The following C6orf132 variants were observed in gnomAD, a reference collection of about 807,000 sequenced individuals.
The protein encoded by C6orf132 is chromosome 6 open reading frame 132, also known as uncharacterized protein C6orf132.
C6orf132 carries 43 observed loss-of-function variants against 65.3 expected under a neutral mutation model. That is an observed-to-expected ratio of 0.66 (90% CI 0.52 to 0.85). The LOEUF (loss-of-function observed/expected upper bound fraction) is 0.85. Ranked by LOEUF, C6orf132 falls within the 40% of genes least tolerant of loss-of-function variation. C6orf132 has a pLI of 0.00. For missense variants in C6orf132, 1,488 were observed against 1,548.8 expected, an observed-to-expected ratio of 0.96 and a Z score of 0.66; for synonymous variants, 631 against 654.1, an observed-to-expected ratio of 0.96 and a Z score of 0.54.
chr6:42,104,604 C>T lies in C6orf132; in HGVS notation c.3308G>A (p.Arg1103His). The change falls in exon 4 of 5, where the codon CGC becomes CAC. Residue 1103 changes from arginine to histidine, a missense_variant. Physicochemically the swap from Arg to His is conservative, Grantham distance 29 (BLOSUM62 0). Transcript: ENST00000341865. This position sits in a 1 kb window ranked among gnomAD's most constrained non-coding sequence, Gnocchi z 4.1. ...GGGCGCGCGACCCGCCGAGTTCACG[C>T]GCCGCATCTCGGGGCCTCCGGGCTG... ...GPQPGGPEMR[R>H]VNSAGRAPPG... 1.5e-6 allele frequency: 2 copies of T among 1,346,458 alleles called. No individual in the cohort carries two copies. Among genetic ancestry groups the T allele is most frequent in the Non-Finnish European group, 1.9e-6 (2 of 1,054,672 alleles). The allele number at this position is 1,346,458 out of a possible 1,614,324, so 83.4% of individuals were successfully genotyped here.
At chr6:42,132,868 AG>A (rs10709493) in intron 1 of C6orf132, among the ~76,000 whole-genome samples, 5,825 of 135,614 alleles carry the variant, frequency 0.043, 445 homozygotes, top group African/African-American at 0.16. Flanking sequence ...AAAAAAAAAA[AG>A]AAAAGAAAAG....
rs1360342086 is a variant in C6orf132 at position 42,104,875 on chromosome 6, G to A, written c.3037C>T (p.Pro1013Ser). The A allele has an allele frequency of 4.1e-6, 6 of 1,449,632 alleles. No homozygotes were observed. Among genetic ancestry groups the A allele is most frequent in the Admixed American group, 2.7e-5 (1 of 36,742 alleles). The allele number at this position is 1,449,632 out of a possible 1,614,324, so 89.8% of individuals were successfully genotyped here. A position where few individuals can be genotyped will look rare whatever the true frequency, so the allele number is the denominator to read the frequency against. ...CTCAAGTCTGAGTAGTTGTTCCGGGGAGGGGAGCTCTGGCGGCCCAGATAC... is the reference window on the plus strand; with the variant it reads ...CTCAAGTCTGAGTAGTTGTTCCGGGAAGGGGAGCTCTGGCGGCCCAGATAC... ...LQYLGRQSSP[P>S]RNNYSDLRQL... Residue 1013 changes from proline (P) to serine (S), a missense_variant, in exon 4 of 5, where the codon CCC (proline) becomes TCC (serine). Transcript: ENST00000341865. This position sits in a 1 kb window ranked among gnomAD's most constrained non-coding sequence, Gnocchi z 4.1.
chr6:42,119,077 A>C (rs1436580835), intron 2 of C6orf132, among the ~76,000 whole-genome samples: 2 of 146,922 alleles, frequency 1.4e-5, no homozygotes, highest in Non-Finnish European at 3.0e-5. Flanking sequence ...AAAAAAAAAA[A>C]AAAAAAAGAA....
intron 3 of C6orf132, 54 bp downstream of exon 3, chr6:42,110,162 A>G: frequency 5.7e-6 from 8 of 1,400,000 alleles, no homozygotes; most frequent in Non-Finnish European, 9.8e-7. Context: ...TTTTGAACTC[A>G]GGGCCCTAGG....
rs981977647 is a variant in C6orf132, at chr6:42,106,184, TGAG to T, written c.1725_1727del (p.Ser576del). On this transcript the variant is annotated inframe_deletion, in exon 4 of 5. Coordinates refer to ENST00000341865, the MANE Select transcript of C6orf132 (RefSeq NM_001164446.3). ...TGGGCTTAGCCTCCTTCTCTGCTGC[TGAG>T]GAGAGCCGGGCCTCCAGCTCATTCC... is the stretch of plus-strand genomic sequence containing the variant. 1 of 1,537,242 alleles carries T rather than the reference TGAG, an allele frequency of 6.5e-7. No homozygotes were observed. Among genetic ancestry groups the T allele is most frequent in the Non-Finnish European group, 8.7e-7 (1 of 1,146,898 alleles).
At chr6:42,115,410 G>C (rs915329406) in intron 2 of C6orf132, among the ~76,000 whole-genome samples, 4 of 152,048 alleles carry the variant, frequency 2.6e-5, no homozygotes, top group African/African-American at 9.7e-5. Flanking sequence ...ACTTTGGGAG[G>C]CTGAGGCGGG....
At chr6:42,132,790 G>A (rs546329026) in intron 1 of C6orf132, among the ~76,000 whole-genome samples, 3 of 150,870 alleles carry the variant, frequency 2.0e-5, no homozygotes, top group African/African-American at 7.3e-5. Flanking sequence ...CCGGGAAGCA[G>A]AGGTTGTAGT....
At chr6:42,122,976 C>G (rs971534089) in intron 2 of C6orf132, among the ~76,000 whole-genome samples, 2 of 152,206 alleles carry the variant, frequency 1.3e-5, no homozygotes, top group Non-Finnish European at 2.9e-5. Context: ...ATTTTTAATT[C>G]CTCATATGCA....
At chr6:42,134,185 G>T (rs1487083254) in intron 1 of C6orf132, among the ~76,000 whole-genome samples, 4 of 152,160 alleles carry the variant, frequency 2.6e-5, no homozygotes, top group Admixed American at 2.6e-4. Context: ...TGGGTTTAGA[G>T]CCCAGCTGAA....
chr6:42,125,336 G>A (rs1217513538), intron 2 of C6orf132, among the ~76,000 whole-genome samples: 1 of 152,194 alleles, frequency 6.6e-6, no homozygotes, highest in Non-Finnish European at 1.5e-5. Flanking sequence ...TTCCCTGCCT[G>A]TAACATGGGG....
chr6:42,122,193 C>T (rs1252514513), intron 2 of C6orf132, among the ~76,000 whole-genome samples: 1 of 152,224 alleles, frequency 6.6e-6, no homozygotes, highest in East Asian at 1.9e-4. Context: ...ATCTGAGAAC[C>T]ACCCTTAGAC....
At chr6:42,108,476 A>G (rs1056478811) in intron 3 of C6orf132, among the ~76,000 whole-genome samples, 1 of 152,140 alleles carries the variant, frequency 6.6e-6, no homozygotes, top group African/African-American at 2.4e-5. Flanking sequence ...ATAGGAAGTC[A>G]TGGGGCAGGG....
rs1562032750 is a variant in C6orf132 at position 42,105,837 on chromosome 6, G to T, written c.2075C>A (p.Ala692Glu). The T allele has an allele frequency of 6.5e-7, 1 of 1,537,300 alleles. No homozygotes were observed. Among genetic ancestry groups the T allele is most frequent in the South Asian group, 1.2e-5 (1 of 84,064 alleles). ...GGTGGGCAGAGTTGTGGCTGTAGATGCTATGGCAGGGCCAGATGTGGCCTT... is the reference window on the plus strand; with the variant it reads ...GGTGGGCAGAGTTGTGGCTGTAGATTCTATGGCAGGGCCAGATGTGGCCTT... ...PLKATSGPAI[A>E]STATTLPTTT... Residue 692 changes from alanine (A) to glutamate (E), a missense_variant, in exon 4 of 5, where the codon GCA becomes GAA. Transcript: ENST00000341865.
At chr6:42,122,509 A>T (rs1358283447) in intron 2 of C6orf132, among the ~76,000 whole-genome samples, 1 of 152,116 alleles carries the variant, frequency 6.6e-6, no homozygotes, top group Non-Finnish European at 1.5e-5. Context: ...GTCCTTACTG[A>T]GAGGGAAGGA....
intron 2 of C6orf132, among the ~76,000 whole-genome samples, chr6:42,125,742 C>T (rs940497750): frequency 1.4e-4 from 21 of 152,224 alleles, no homozygotes; most frequent in Admixed American, 4.6e-4. Flanking sequence ...TCAGGCCTGA[C>T]CAGCCAGCCC....
In C6orf132 at chr6:42,113,370, T is replaced by C. The variant is rs559395292; in HGVS notation, c.253-3079A>G. Among the ~76,000 whole-genome samples, 11 of 152,356 alleles carry C rather than the reference T, an allele frequency of 7.2e-5. No individual in the cohort carries two copies. In the East Asian group the frequency reaches 2.1e-3, roughly 29 times the overall value. ...GAGATGTGGGATGGGGACAGTGATG[T>C]TGAGCCATTGTCCAGGCTCCTCCTG... On this transcript the variant is annotated intron_variant, in intron 2 of 4. Transcript: ENST00000341865.
Position 42,134,615 on chromosome 6 carries a change from A to T in C6orf132, c.146-5837T>A, listed in dbSNP as rs571177966. ...ACGGTGAAACCCCGTCTCCACTAAA[A>T]ATACAAAAATTAGCTGGGCGTGGTG... On this transcript the variant is annotated intron_variant, in intron 1 of 4. Coordinates refer to ENST00000341865, the MANE Select transcript of C6orf132 (RefSeq NM_001164446.3). Among the ~76,000 whole-genome samples the T allele has an allele frequency of 5.8e-4, 89 of 152,204 alleles. 1 individual carries two copies. The highest frequency in any genetic ancestry group is 1.9e-3 in the African/African-American group (78 of 41,524).
At position 42,105,256 on chromosome 6, in the gene C6orf132, G is replaced by A; in HGVS notation, c.2656C>T (p.Gln886Ter). Residue 886 changes from glutamine to a stop codon, truncating the protein, a stop_gained, in exon 4 of 5, where the codon CAG becomes TAG. Transcript: ENST00000341865. LOFTEE classifies it high-confidence loss of function. ...EASSDSIFHS[Q>*]GTPNSFTVVP... is the part of the protein sequence containing the mutation. The stretch of plus-strand genomic sequence containing the variant: ...ACAGTGAAGGAGTTGGGCGTGCCCT[G>A]GCTGTGGAAGATGCTGTCAGAGCTG... The A allele has an allele frequency of 6.5e-7, 1 of 1,537,212 alleles. No individual in the cohort carries two copies. Among genetic ancestry groups the A allele is most frequent in the Non-Finnish European group, 8.7e-7 (1 of 1,146,904 alleles).
chr6:42,120,019 G>A (rs1766654853), intron 2 of C6orf132, among the ~76,000 whole-genome samples: 2 of 151,490 alleles, frequency 1.3e-5, no homozygotes, highest in South Asian at 2.1e-4. Flanking sequence ...GCTTGAACCC[G>A]GGAGGCAGAG....
Sources: gnomAD v4.1 joint callset for allele counts (sites outside exome capture counted in the v4.1 genomes callset) on GRCh38, gnomAD v4.1.1 for gene constraint, Gnocchi (gnomAD v3.1) non-coding constraint, MANE v1.5 for transcripts, NCBI Gene and HGNC (gene_info 2026-07-23, HGNC 2026-07-21) for gene names.